The following DGKI variants were observed in gnomAD, a reference collection of about 807,000 sequenced individuals.
DGKI encodes the protein diacylglycerol kinase iota, also known as DAG kinase iota.
A neutral mutation model predicts 147.5 loss-of-function variants in DGKI; 55 were observed. The ratio of observed to expected loss-of-function variants is 0.37; its 90% CI spans 0.30 to 0.47. The LOEUF (loss-of-function observed/expected upper bound fraction) is 0.47, where lower values mean the gene tolerates loss of function less well. DGKI is among the 20% of genes least tolerant of loss of function. DGKI has a pLI of 1.00. For synonymous variants in DGKI, 469 were observed against 477.1 expected (o/e 0.98, Z 0.22); for missense variants, 1,007 against 1,323.8 (o/e 0.76, Z 3.71).
At chr7:137,722,711 T>C in intron 1 of DGKI, 1 of 1,577,288 alleles carries the variant, frequency 6.3e-7, no homozygotes, top group Non-Finnish European at 8.7e-7. Context: ...AAATATGAGA[T>C]TACGGAGCAG....
At chr7:137,398,576 T>G (rs1232488656) in intron 30 of DGKI, among the ~76,000 whole-genome samples, 2 of 152,188 alleles carry the variant, frequency 1.3e-5, no homozygotes, top group African/African-American at 4.8e-5. Flanking sequence ...TATTAAAAAT[T>G]AACTTATTGT....
chr7:137,711,684 C>CTTTTTTTT (rs71177918), intron 1 of DGKI, among the ~76,000 whole-genome samples: 2 of 79,726 alleles, frequency 2.5e-5, no homozygotes, highest in African/African-American at 1.0e-4. Context: ...GGGATACCAA[C>CTTTTTTTT]TTTTTTTTTT....
At chr7:137,427,163 C>T (rs1468481768) in intron 28 of DGKI, among the ~76,000 whole-genome samples, 1 of 152,078 alleles carries the variant, frequency 6.6e-6, no homozygotes, top group Non-Finnish European at 1.5e-5. Flanking sequence ...AAGCTCTCCT[C>T]AGCAAATGTA....
chr7:137,430,084 G>T lies in DGKI; in HGVS notation c.2761+13993C>A, dbSNP rs923157336. Among the ~76,000 whole-genome samples, 3 of 118,644 alleles carry T rather than the reference G, an allele frequency of 2.5e-5. 1 individual carries two copies. Among genetic ancestry groups the T allele is most frequent in the Admixed American group, 2.0e-4 (2 of 9,842 alleles). The allele number at this position is 118,644 out of a possible 152,430, so 77.8% of individuals were successfully genotyped here. A position where few individuals can be genotyped will look rare whatever the true frequency, so the allele number is the denominator to read the frequency against. ...TACCCAAAGGACTATAAATCATGCT[G>T]CTATAAAGACACATGCACACGTATA... is the stretch of plus-strand genomic sequence containing the variant. On this transcript the variant is annotated intron_variant, in intron 28 of 32. Coordinates refer to ENST00000614521, the MANE Select transcript of DGKI (RefSeq NM_001321708.2).
intron 31 of DGKI, among the ~76,000 whole-genome samples, chr7:137,396,341 G>A (rs1470351545): frequency 6.6e-6 from 1 of 152,228 alleles, no homozygotes; most frequent in African/African-American, 2.4e-5. Context: ...GAGGCAGCAG[G>A]CTTGAGGCCA....
intron 23 of DGKI, among the ~76,000 whole-genome samples, chr7:137,472,420 TA>T (rs1488608416): frequency 1.1e-4 from 14 of 132,698 alleles, no homozygotes; most frequent in African/African-American, 1.8e-4. Context: ...TATATACATA[TA>T]CATATTATAT....
intron 1 of DGKI, among the ~76,000 whole-genome samples, chr7:137,786,033 T>C (rs920202550): frequency 1.3e-5 from 2 of 152,212 alleles, no homozygotes; most frequent in East Asian, 1.9e-4. Flanking sequence ...TGGGGAAAAG[T>C]TGAAAGCATT....
chr7:137,661,894 G>A (rs2069437463), intron 3 of DGKI, among the ~76,000 whole-genome samples: 1 of 152,186 alleles, frequency 6.6e-6, no homozygotes, highest in Admixed American at 6.5e-5. Context: ...GGAATCTGGT[G>A]TCCTCTCAGT....
chr7:137,444,733 T>A (rs180846297), intron 27 of DGKI, among the ~76,000 whole-genome samples: 1 of 152,348 alleles, frequency 6.6e-6, no homozygotes, highest in Admixed American at 6.5e-5. Context: ...TCTGCTTTAA[T>A]TATGATAATC....
intron 1 of DGKI, among the ~76,000 whole-genome samples, chr7:137,752,982 C>A (rs184507948): frequency 6.6e-6 from 1 of 152,102 alleles, no homozygotes; most frequent in Non-Finnish European, 1.5e-5. Context: ...CCTTCCTAGA[C>A]AGCCAGTATC....
chr7:137,569,963 G>A (rs992595099), intron 19 of DGKI, among the ~76,000 whole-genome samples: 17 of 151,838 alleles, frequency 1.1e-4, no homozygotes, highest in Non-Finnish European at 1.5e-4. Context: ...GAGTTAACAA[G>A]GGCCATCACA....
At chr7:137,670,001 C>T (rs1239368693) in intron 3 of DGKI, among the ~76,000 whole-genome samples, 1 of 152,120 alleles carries the variant, frequency 6.6e-6, no homozygotes. Context: ...CACAATCCTC[C>T]CATCCACTCA....
chr7:137,819,636 T>C (rs1281763431), intron 1 of DGKI, among the ~76,000 whole-genome samples: 1 of 152,132 alleles, frequency 6.6e-6, no homozygotes, highest in Non-Finnish European at 1.5e-5. Context: ...TAAATGATCA[T>C]ATGGCCCAGC....
rs1402553354 is a variant in DGKI, at chr7:137,469,638, A to T, written c.2374-19T>A. On this transcript the variant is annotated intron_variant, in intron 23 of 32. Coordinates refer to ENST00000614521, the MANE Select transcript of DGKI (RefSeq NM_001321708.2). ...CATGGTCCTGGAAAGAGACACACACACTCTAGTGGCTGCATTTCAATAACC... is the reference window on the plus strand; with the variant it reads ...CATGGTCCTGGAAAGAGACACACACTCTCTAGTGGCTGCATTTCAATAACC... 21 of 1,610,652 alleles carry T rather than the reference A, an allele frequency of 1.3e-5. No individual in the cohort carries two copies. Among genetic ancestry groups the T allele is most frequent in the Admixed American group, 8.4e-5 (5 of 59,864 alleles).
intron 20 of DGKI, among the ~76,000 whole-genome samples, chr7:137,530,949 T>G (rs1817317344): frequency 5.9e-5 from 9 of 152,196 alleles, no homozygotes; most frequent in Admixed American, 5.9e-4. Context: ...AATTTAAGTC[T>G]TACGAAGATG....
intron 1 of DGKI, among the ~76,000 whole-genome samples, chr7:137,820,394 G>A (rs888532165): frequency 2.0e-5 from 3 of 152,170 alleles, no homozygotes; most frequent in Admixed American, 6.5e-5. Flanking sequence ...TCATCCCACA[G>A]AAAACTCTGC....
intron 28 of DGKI, among the ~76,000 whole-genome samples, chr7:137,440,220 T>C (rs1021395612): frequency 2.6e-5 from 4 of 152,094 alleles, no homozygotes; most frequent in Non-Finnish European, 4.4e-5. Flanking sequence ...TAACAAGGAG[T>C]AGGGCTCCAG....
At chr7:137,462,884 T>G (rs1814503996) in intron 27 of DGKI, among the ~76,000 whole-genome samples, 1 of 152,092 alleles carries the variant, frequency 6.6e-6, no homozygotes, top group African/African-American at 2.4e-5. Flanking sequence ...GCTGTGAAAC[T>G]TCAGCATGCA....
At chr7:137,617,618 G>A (rs116630934) in intron 8 of DGKI, among the ~76,000 whole-genome samples, 8 of 152,086 alleles carry the variant, frequency 5.3e-5, no homozygotes, top group Admixed American at 2.6e-4. Flanking sequence ...AGGAAGATGG[G>A]GTAGATGGGG....
Sources: gnomAD v4.1 joint callset for allele counts (sites outside exome capture counted in the v4.1 genomes callset) on GRCh38, gnomAD v4.1.1 for gene constraint, MANE v1.5 for transcripts, NCBI Gene and HGNC (gene_info 2026-07-23, HGNC 2026-07-21) for gene names.